The following COL22A1 variants were observed in gnomAD, a reference collection of about 807,000 sequenced individuals.
COL22A1 encodes the protein collagen type XXII alpha 1 chain.
COL22A1 carries 221 observed loss-of-function variants against 248.9 expected under a neutral mutation model. That is an observed-to-expected ratio of 0.89 (90% CI 0.80 to 0.99). The LOEUF is 0.99. Ranked by LOEUF, COL22A1 falls within the 50% of genes least tolerant of loss-of-function variation. The pLI is 0.00. For synonymous variants in COL22A1, 891 were observed against 793.4 expected (o/e 1.12, Z -2.07); for missense variants, 2,240 against 2,179.0 (o/e 1.03, Z -0.56).
intron 3 of COL22A1, among the ~76,000 whole-genome samples, chr8:138,862,646 T>C (rs1181180405): frequency 1.3e-5 from 2 of 152,140 alleles, no homozygotes; most frequent in Non-Finnish European, 2.9e-5. Flanking sequence ...TTTTTTTCCC[T>C]CATATTAACT....
At chr8:138,686,095 A>G (rs977715204) in intron 37 of COL22A1, among the ~76,000 whole-genome samples, 2 of 152,102 alleles carry the variant, frequency 1.3e-5, no homozygotes, top group African/African-American at 2.4e-5. Flanking sequence ...TCTTCCCAAC[A>G]TTGGACACTA....
intron 5 of COL22A1, among the ~76,000 whole-genome samples, chr8:138,827,528 G>C (rs1819688047): frequency 6.6e-6 from 1 of 151,956 alleles, no homozygotes; most frequent in African/African-American, 2.4e-5. Context: ...GGCCAGAATA[G>C]ACTGGGATGT....
intron 3 of COL22A1, among the ~76,000 whole-genome samples, chr8:138,875,874 T>A (rs568624833): frequency 9.2e-5 from 14 of 152,220 alleles, no homozygotes; most frequent in Non-Finnish European, 8.8e-5. Context: ...AGCCAATGCC[T>A]TGCATGCTCT....
intron 4 of COL22A1, among the ~76,000 whole-genome samples, chr8:138,833,599 G>A (rs972527065): frequency 2.0e-5 from 3 of 152,226 alleles, no homozygotes; most frequent in African/African-American, 7.2e-5. Context: ...TAACAGTTTG[G>A]CAGCTTTTAA....
In COL22A1 at chr8:138,858,429, G is replaced by A. The variant is rs146000058; in HGVS notation, c.659-14271C>T. Among the ~76,000 whole-genome samples, 645 of 152,030 alleles carry A rather than the reference G, an allele frequency of 4.2e-3. 3 individuals are homozygous for A. The highest frequency in any genetic ancestry group is 0.015 in the African/African-American group (617 of 41,434). ...TGGGTCTTGCTTTATCACCCAGGCTGGAGTGCAGTGGTGCAATCACAGCTC... is the reference window on the plus strand; with the variant it reads ...TGGGTCTTGCTTTATCACCCAGGCTAGAGTGCAGTGGTGCAATCACAGCTC... On this transcript the variant is annotated intron_variant, in intron 3 of 64. Transcript: ENST00000303045.
intron 16 of COL22A1, among the ~76,000 whole-genome samples, chr8:138,765,152 A>T (rs1833809360): frequency 6.6e-6 from 1 of 152,148 alleles, no homozygotes; most frequent in Admixed American, 6.5e-5. Flanking sequence ...GGAGGAGGTG[A>T]AGCCACTTCA....
At chr8:138,810,897 C>G (rs1465219532) in intron 9 of COL22A1, among the ~76,000 whole-genome samples, 1 of 152,164 alleles carries the variant, frequency 6.6e-6, no homozygotes, top group African/African-American at 2.4e-5. Context: ...AGCAGAGTCA[C>G]CAAGCACCTC....
At chr8:138,844,211 A>T (rs1821077062) in intron 3 of COL22A1, 53 bp from the exon 4 acceptor site, 2 of 1,546,818 alleles carry the variant, frequency 1.3e-6, no homozygotes, top group African/African-American at 2.7e-5. Flanking sequence ...ACCCATCGTC[A>T]CCCTGTGAAA....
At chr8:138,890,371 C>G (rs1361187660) in intron 1 of COL22A1, among the ~76,000 whole-genome samples, 1 of 152,094 alleles carries the variant, frequency 6.6e-6, no homozygotes, top group Non-Finnish European at 1.5e-5. Flanking sequence ...GTTCTAGCCA[C>G]AGCAACTAGG....
intron 32 of COL22A1, among the ~76,000 whole-genome samples, chr8:138,698,993 C>G (rs535043607): frequency 6.6e-6 from 1 of 152,186 alleles, no homozygotes. Context: ...TAGGTCTCAG[C>G]GAAGAAACAT....
At chr8:138,901,721 C>A (rs1002734574) in intron 1 of COL22A1, among the ~76,000 whole-genome samples, 3 of 152,030 alleles carry the variant, frequency 2.0e-5, no homozygotes, top group Non-Finnish European at 2.9e-5. Context: ...TAAATATGAT[C>A]GTTAAGACTC....
intron 45 of COL22A1, among the ~76,000 whole-genome samples, chr8:138,650,969 C>T (rs1304335307): frequency 6.6e-6 from 1 of 152,100 alleles, no homozygotes; most frequent in Non-Finnish European, 1.5e-5. Context: ...ACCAAAGGCA[C>T]CTGCAAAAAT....
chr8:138,700,203 TTTAAA>T lies in COL22A1; in HGVS notation c.2560-64_2560-60del, dbSNP rs1211157310. On this transcript the variant is annotated intron_variant, in intron 31 of 64. Coordinates refer to ENST00000303045, the MANE Select transcript of COL22A1 (RefSeq NM_152888.3). ...GCATCAAGGAACCCAGTGTTTCATT[TTTAAA>T]ACCTGCCTTGGAGAGATTTACAAGT... 6.5e-6 allele frequency: 10 copies of T among 1,533,180 alleles called. No individual in the cohort carries two copies. In the Admixed American group the frequency reaches 6.9e-5, roughly 11 times the overall value. The allele number at this position is 1,533,180 out of a possible 1,614,324, so 95.0% of individuals were successfully genotyped here.
At chr8:138,727,337 ACT>A (rs1363136484) in intron 23 of COL22A1, among the ~76,000 whole-genome samples, 2 of 151,944 alleles carry the variant, frequency 1.3e-5, no homozygotes, top group Non-Finnish European at 2.9e-5. Flanking sequence ...GTGGAATTAA[ACT>A]CTCCCTGCTC....
Position 138,807,617 on chromosome 8 carries a change from T to C in COL22A1, c.1494+151A>G, listed in dbSNP as rs149952825. 9.5e-4 allele frequency: 652 copies of C among 683,612 alleles called. 3 individuals carry two copies. The African/African-American group carries it at 0.01, about 11-fold the overall frequency. 42.3% of individuals were successfully genotyped at this position (683,612 alleles called of 1,614,324 possible). ...GAGGCTCCCAGGATTTCAGACTTTA[T>C]GACATTTGCTCTTATCCATCTAATT... is the stretch of plus-strand genomic sequence containing the variant. On this transcript the variant is annotated intron_variant, in intron 10 of 64. Transcript: ENST00000303045.
At chr8:138,771,429 C>T (rs549084694) in intron 16 of COL22A1, among the ~76,000 whole-genome samples, 1 of 152,228 alleles carries the variant, frequency 6.6e-6, no homozygotes. Context: ...GGCCTCTGCG[C>T]TCAGTTTCCC....
intron 46 of COL22A1, among the ~76,000 whole-genome samples, chr8:138,647,302 T>C (rs781195100): frequency 1.3e-5 from 2 of 152,056 alleles, no homozygotes; most frequent in Non-Finnish European, 2.9e-5. Context: ...GGCTTGAGGG[T>C]TGCCTCATGA....
chr8:138,826,253 AAGG>A (rs1819570231), intron 6 of COL22A1, among the ~76,000 whole-genome samples: 1 of 152,182 alleles, frequency 6.6e-6, no homozygotes. Context: ...CACACGAATG[AAGG>A]AGTAGACACG....
chr8:138,616,213 C>A (rs1224970454), intron 54 of COL22A1, among the ~76,000 whole-genome samples, 159 bp from the exon 55 acceptor site: 1 of 152,184 alleles, frequency 6.6e-6, no homozygotes, highest in Non-Finnish European at 1.5e-5. Context: ...TCTGTGGCGG[C>A]CCTGAGTTGA....
Sources: allele counts gnomAD v4.1 joint callset (sites outside exome capture counted in the v4.1 genomes callset), GRCh38; gene constraint gnomAD v4.1.1; transcripts MANE v1.5; gene names NCBI Gene and HGNC (gene_info 2026-07-23, HGNC 2026-07-21).